Variants in ETV1 observed in about 807,000 individuals in gnomAD.
ETV1 encodes ETS variant transcription factor 1.
Under a neutral mutation model 62.3 loss-of-function variants are expected in ETV1, and 27 were observed. That is an observed-to-expected ratio of 0.43 (90% CI 0.32 to 0.60). ETV1 has a LOEUF of 0.60. Among genes scored for constraint, ETV1 ranks in the 20% least tolerant of loss-of-function variants. The probability of loss-of-function intolerance (pLI) is 0.06; values close to 1 mark genes in which losing one functional copy is unlikely to be tolerated. For missense variants in ETV1, 605 were observed against 605.8 expected, an observed-to-expected ratio of 1.00 and a Z score of 0.01; for synonymous variants, 222 against 199.6, an observed-to-expected ratio of 1.11 and a Z score of -0.94.
At chr7:13,945,069 A>AAAC (rs201462694) in intron 6 of ETV1, among the ~76,000 whole-genome samples, 1,554 of 152,266 alleles carry the variant, frequency 0.01, 30 homozygotes, top group African/African-American at 0.035. Flanking sequence ...CAGAACTGTG[A>AAAC]AACAAATTTC....
At chr7:13,899,418 G>A (rs1782180610) in intron 13 of ETV1, among the ~76,000 whole-genome samples, 1 of 152,194 alleles carries the variant, frequency 6.6e-6, no homozygotes, top group African/African-American at 2.4e-5. Flanking sequence ...TCTAACGTCT[G>A]AGCCAGCAAA....
chr7:13,936,128 T>C (rs1236918079), intron 7 of ETV1, among the ~76,000 whole-genome samples: 2 of 152,124 alleles, frequency 1.3e-5, no homozygotes, highest in African/African-American at 4.8e-5. Flanking sequence ...AAATATTAAA[T>C]GTGTATTTTT....
chr7:13,948,943 C>G (rs73679047), intron 6 of ETV1, among the ~76,000 whole-genome samples: 10,178 of 152,048 alleles, frequency 0.067, 390 homozygotes, highest in African/African-American at 0.1. Flanking sequence ...GCAATATACA[C>G]AAACTAGCTG....
intron 5 of ETV1, among the ~76,000 whole-genome samples, chr7:13,982,061 C>T (rs10244180): frequency 0.54 from 82,254 of 151,844 alleles, 22,529 homozygotes; most frequent in Admixed American, 0.61. Flanking sequence ...TGACAAAACA[C>T]CTTTAATACT....
intron 9 of ETV1, among the ~76,000 whole-genome samples, chr7:13,926,121 T>C (rs1353181496): frequency 6.6e-6 from 1 of 152,170 alleles, no homozygotes; most frequent in African/African-American, 2.4e-5. Context: ...CTTTTACAAG[T>C]ACCCATAACT....
At position 13,935,731 on chromosome 7, in the gene ETV1, A is replaced by G. The variant is rs377435169; in HGVS notation, c.531T>C (p.Asp177=). 236 of 1,613,908 alleles carry G rather than the reference A, an allele frequency of 1.5e-4. No homozygotes were observed. In the African/African-American group the frequency reaches 2.9e-3, roughly 20 times the overall value. ...AHLPPSQSIP[D]SSYPMDHRFR... is the part of the protein sequence containing the mutation. Reference sequence around the variant, plus strand: ...ACCTGTGGTCCATGGGGTAGCTGCTATCTGGTATGGACTGCGATGGAGGGA... The same window carrying G: ...ACCTGTGGTCCATGGGGTAGCTGCTGTCTGGTATGGACTGCGATGGAGGGA... Residue 177 remains aspartate (D), a synonymous_variant, in exon 8 of 14, where the codon GAT becomes GAC. Transcript: ENST00000430479.
At chr7:13,964,070 A>T (rs1790488614) in intron 6 of ETV1, among the ~76,000 whole-genome samples, 1 of 152,156 alleles carries the variant, frequency 6.6e-6, no homozygotes, top group African/African-American at 2.4e-5. Context: ...TTCCCTACAG[A>T]CCCGTGAGTT....
rs1423981063 is a variant in ETV1 at position 13,893,663 on chromosome 7, C to T, written c.*2203G>A. The T allele has an allele frequency of 4.3e-6, 1 of 232,440 alleles. No individual in the cohort carries two copies. The highest frequency in any genetic ancestry group is 8.5e-6 in the Non-Finnish European group (1 of 117,458). The allele number at this position is 232,440 out of a possible 1,614,324, so 14.4% of individuals were successfully genotyped here. On this transcript the variant is annotated 3_prime_UTR_variant, in exon 14 of 14. Transcript: ENST00000430479. ...AAGGAACAAAAATGAATCCTCAATA[C>T]AGTTTTCATTCAGAATATATTTTAA...
At chr7:13,903,498 C>T (rs1472120081) in intron 12 of ETV1, among the ~76,000 whole-genome samples, 1 of 152,018 alleles carries the variant, frequency 6.6e-6, no homozygotes, top group African/African-American at 2.4e-5. Flanking sequence ...CACAGTGGCT[C>T]ACACCTGTAA....
chr7:13,926,521 T>C (rs1785444164), intron 9 of ETV1, among the ~76,000 whole-genome samples: 1 of 152,214 alleles, frequency 6.6e-6, no homozygotes, highest in Admixed American at 6.5e-5. Flanking sequence ...AATAGGATAC[T>C]TTCTACGGGA....
At chr7:13,924,377 G>A (rs999431146) in intron 9 of ETV1, among the ~76,000 whole-genome samples, 1 of 152,138 alleles carries the variant, frequency 6.6e-6, no homozygotes, top group African/African-American at 2.4e-5. Flanking sequence ...TATTATAAAA[G>A]ATCACTTCTT....
chr7:13,933,024 T>A (rs962543598), intron 8 of ETV1, among the ~76,000 whole-genome samples: 2 of 152,196 alleles, frequency 1.3e-5, no homozygotes, highest in African/African-American at 4.8e-5. Context: ...GCAGAGCAGT[T>A]AGGCTGACTG....
intron 6 of ETV1, among the ~76,000 whole-genome samples, chr7:13,943,373 T>G (rs1787784411): frequency 6.6e-6 from 1 of 152,178 alleles, no homozygotes. Context: ...ATTATGAAGT[T>G]TTGGTGAAGA....
At chr7:13,904,512 TA>T (rs1782755006) in intron 12 of ETV1, among the ~76,000 whole-genome samples, 1 of 152,152 alleles carries the variant, frequency 6.6e-6, no homozygotes, top group Admixed American at 6.5e-5. Flanking sequence ...AGTTGCTATA[TA>T]AAAAGCTTAA....
chr7:13,933,612 G>C (rs1422191939), intron 8 of ETV1, among the ~76,000 whole-genome samples: 4 of 152,152 alleles, frequency 2.6e-5, no homozygotes, highest in Non-Finnish European at 5.9e-5. Flanking sequence ...CCTGGCTGGA[G>C]GGGGTGTTTT....
At chr7:13,915,668 C>G (rs1279084358) in intron 9 of ETV1, among the ~76,000 whole-genome samples, 1 of 152,152 alleles carries the variant, frequency 6.6e-6, no homozygotes, top group East Asian at 1.9e-4. Context: ...TTTTAGCCTG[C>G]TTTTCCAATT....
intron 6 of ETV1, among the ~76,000 whole-genome samples, chr7:13,944,323 G>T (rs937210474): frequency 1.3e-5 from 2 of 152,188 alleles, no homozygotes; most frequent in Non-Finnish European, 2.9e-5. Flanking sequence ...CAAGTCACCA[G>T]CAGATTAAGT....
chr7:13,979,327 A>G (rs919400661), intron 5 of ETV1, among the ~76,000 whole-genome samples: 1 of 152,074 alleles, frequency 6.6e-6, no homozygotes, highest in Non-Finnish European at 1.5e-5. Context: ...TCCACAAAAA[A>G]GTACATGTCA....
intron 9 of ETV1, among the ~76,000 whole-genome samples, chr7:13,924,631 A>G (rs1785205920): frequency 6.6e-6 from 1 of 152,176 alleles, no homozygotes. Context: ...ACCATACAAA[A>G]ACACTCAGTA....
Sources: gnomAD v4.1 joint callset for allele counts (sites outside exome capture counted in the v4.1 genomes callset) on GRCh38, gnomAD v4.1.1 for gene constraint, MANE v1.5 for transcripts, NCBI Gene and HGNC (gene_info 2026-07-23, HGNC 2026-07-21) for gene names.